Variants in TENM3 observed in about 807,000 individuals in gnomAD.
The protein encoded by TENM3 is teneurin transmembrane protein 3, also known as teneurin-3.
A neutral mutation model predicts 255.1 loss-of-function variants in TENM3; 63 were observed. The observed-to-expected ratio is 0.25, with a 90% CI of 0.20 to 0.30. TENM3 has a LOEUF of 0.30. TENM3 is among the 10% of genes least tolerant of loss of function. The pLI, the probability that TENM3 is intolerant of heterozygous loss-of-function variation, is 1.00. For missense variants in TENM3, 2,929 were observed against 3,461.1 expected, an observed-to-expected ratio of 0.85 and a Z score of 3.86; for synonymous variants, 1,306 against 1,322.3, an observed-to-expected ratio of 0.99 and a Z score of 0.27.
chr4:182,193,584 G>C (rs1753662295), intron 1 of TENM3, among the ~76,000 whole-genome samples: 1 of 152,168 alleles, frequency 6.6e-6, no homozygotes, highest in African/African-American at 2.4e-5. Flanking sequence ...CGTCCCAGGG[G>C]TATAGCTCTT....
the TENM3 span, among the ~76,000 whole-genome samples, chr4:181,896,940 G>A: frequency 3.9e-5 from 6 of 152,106 alleles, no homozygotes; most frequent in Non-Finnish European, 8.8e-5. Context: ...TCCACACTGC[G>A]GGAGACCTTC....
the TENM3 span, among the ~76,000 whole-genome samples, chr4:181,888,512 ATATG>A: frequency 0.44 from 25,614 of 58,582 alleles, 4,931 homozygotes; most frequent in South Asian, 0.51. Flanking sequence ...ATATATATAT[ATATG>A]TATATATATA....
the TENM3 span, among the ~76,000 whole-genome samples, chr4:181,658,164 A>G: frequency 2.0e-5 from 3 of 152,202 alleles, no homozygotes; most frequent in East Asian, 5.8e-4. Flanking sequence ...TTTTTTTAAT[A>G]CAGAAAAAAA....
chr4:181,997,044 A>T, the TENM3 span, among the ~76,000 whole-genome samples: 1 of 152,186 alleles, frequency 6.6e-6, no homozygotes, highest in South Asian at 2.1e-4. Flanking sequence ...GTGAAGTAAA[A>T]GTTTTAGGGC....
the TENM3 span, among the ~76,000 whole-genome samples, chr4:181,794,187 A>AATAT: frequency 5.3e-5 from 8 of 151,416 alleles, no homozygotes; most frequent in East Asian, 1.9e-4. Flanking sequence ...TATGGTGTAC[A>AATAT]ATATATATAT....
At chr4:182,048,623 T>C in the TENM3 span, among the ~76,000 whole-genome samples, 1 of 152,210 alleles carries the variant, frequency 6.6e-6, no homozygotes, top group Admixed American at 6.5e-5. Flanking sequence ...GGATATGTTT[T>C]TGTACCTCTA....
At chr4:181,964,729 G>T in the TENM3 span, among the ~76,000 whole-genome samples, 3 of 152,140 alleles carry the variant, frequency 2.0e-5, no homozygotes, top group Admixed American at 2.0e-4. Context: ...TACCAGCAGG[G>T]ATTCGGTTAT....
At chr4:182,210,786 C>T (rs977382864) in intron 1 of TENM3, among the ~76,000 whole-genome samples, 1 of 152,134 alleles carries the variant, frequency 6.6e-6, no homozygotes, top group African/African-American at 2.4e-5. Context: ...AGCAGGTCTT[C>T]CCCACTCTTC....
chr4:181,744,349 T>G, the TENM3 span, among the ~76,000 whole-genome samples: 1 of 152,204 alleles, frequency 6.6e-6, no homozygotes, highest in Non-Finnish European at 1.5e-5. Flanking sequence ...TACCCAGTAA[T>G]GGGATTGCTT....
chr4:182,073,250 AACTC>A, the TENM3 span, among the ~76,000 whole-genome samples: 1 of 152,152 alleles, frequency 6.6e-6, no homozygotes, highest in Admixed American at 6.5e-5. Flanking sequence ...ATCTTGTGAG[AACTC>A]ACTCACTATC....
At chr4:181,854,794 T>C in the TENM3 span, among the ~76,000 whole-genome samples, 2 of 152,236 alleles carry the variant, frequency 1.3e-5, no homozygotes, top group Non-Finnish European at 2.9e-5. Flanking sequence ...GATCACAAAA[T>C]GATCAATGTC....
At chr4:182,157,238 T>C (rs1579532900) in intron 1 of TENM3, among the ~76,000 whole-genome samples, 1 of 152,164 alleles carries the variant, frequency 6.6e-6, no homozygotes, top group Non-Finnish European at 1.5e-5. Context: ...GTAGGAACAC[T>C]TGGCTTATCC....
the TENM3 span, among the ~76,000 whole-genome samples, chr4:182,124,493 C>G: frequency 6.6e-6 from 1 of 152,140 alleles, no homozygotes; most frequent in Non-Finnish European, 1.5e-5. Flanking sequence ...CTTAAAGCCT[C>G]GAGACTACAG....
intron 5 of TENM3, among the ~76,000 whole-genome samples, chr4:182,634,841 G>T (rs567601057): frequency 6.6e-6 from 1 of 151,898 alleles, no homozygotes; most frequent in East Asian, 1.9e-4. Flanking sequence ...ACTGTTCTTT[G>T]CTCACAGAAA....
At chr4:182,548,042 A>AC (rs1190804100) in intron 3 of TENM3, among the ~76,000 whole-genome samples, 8 of 151,942 alleles carry the variant, frequency 5.3e-5, no homozygotes, top group African/African-American at 1.9e-4. Context: ...ACAAAGTGAG[A>AC]CCCCATCTCT....
the TENM3 span, among the ~76,000 whole-genome samples, chr4:181,598,273 C>T: frequency 1.3e-5 from 2 of 152,198 alleles, no homozygotes; most frequent in Admixed American, 6.5e-5. Flanking sequence ...TAGTATTTCT[C>T]TAAGCAGCTT....
intron 1 of TENM3, among the ~76,000 whole-genome samples, chr4:182,277,787 C>G (rs1760104150): frequency 6.6e-6 from 1 of 152,196 alleles, no homozygotes; most frequent in Non-Finnish European, 1.5e-5. Flanking sequence ...TGGTCCAGTT[C>G]TATCAATAAA....
At chr4:182,307,881 C>T (rs1463735478) in intron 1 of TENM3, among the ~76,000 whole-genome samples, 1 of 152,220 alleles carries the variant, frequency 6.6e-6, no homozygotes, top group Non-Finnish European at 1.5e-5. Flanking sequence ...CCAGCTTCTC[C>T]ACTTGGCAGG....
chr4:182,611,570 G>A (rs1406230621), intron 4 of TENM3, among the ~76,000 whole-genome samples: 1 of 151,958 alleles, frequency 6.6e-6, no homozygotes, highest in Non-Finnish European at 1.5e-5. Flanking sequence ...TACATTTTAA[G>A]TAAATAAGAA....
Sources: allele counts gnomAD v4.1 joint callset (sites outside exome capture counted in the v4.1 genomes callset), GRCh38; gene constraint gnomAD v4.1.1; transcripts MANE v1.5; gene names NCBI Gene and HGNC (gene_info 2026-07-23, HGNC 2026-07-21).